Variants in LAMA2 observed in about 807,000 individuals in gnomAD.
LAMA2 encodes the protein laminin subunit alpha-2.
A neutral mutation model predicts 364.8 loss-of-function variants in LAMA2; 269 were observed. The ratio of observed to expected loss-of-function variants is 0.74; its 90% CI spans 0.67 to 0.82. LAMA2 has a LOEUF of 0.82. Ranked by LOEUF, LAMA2 falls within the 40% of genes least tolerant of loss-of-function variation. The pLI is 0.00. For synonymous variants in LAMA2, 1,379 were observed against 1,370.6 expected (o/e 1.01, Z -0.14); for missense variants, 3,807 against 3,873.2 (o/e 0.98, Z 0.45).
chr6:129,516,365 C>T lies in LAMA2; in HGVS notation c.*18C>T. ...CCAACTAATAAAAATAAGTGTAACC[C>T]CAGGAAGAGTCTGTCAAAACAAGTA... On this transcript the variant is annotated 3_prime_UTR_variant, in exon 65 of 65. Transcript: ENST00000421865. 1.2e-6 allele frequency: 2 copies of T among 1,612,138 alleles called. No homozygotes were observed. The highest frequency in any genetic ancestry group is 1.7e-6 in the Non-Finnish European group (2 of 1,178,578).
At chr6:128,911,048 GAC>G (rs1017124495) in intron 1 of LAMA2, among the ~76,000 whole-genome samples, 17 of 151,794 alleles carry the variant, frequency 1.1e-4, no homozygotes, top group Admixed American at 2.6e-4. Context: ...AAAGCTGTCA[GAC>G]AGGGACATTT....
At chr6:129,170,032 A>G (rs6936161) in intron 9 of LAMA2, among the ~76,000 whole-genome samples, 6 of 151,098 alleles carry the variant, frequency 4.0e-5, no homozygotes, top group African/African-American at 1.2e-4. Context: ...TTTTTATTGC[A>G]TCTATTAGAT....
At chr6:129,359,137 C>G (rs1296172891) in intron 32 of LAMA2, among the ~76,000 whole-genome samples, 1 of 151,404 alleles carries the variant, frequency 6.6e-6, no homozygotes, top group Non-Finnish European at 1.5e-5. Context: ...AAACTATTAT[C>G]CCATTATTAT....
At chr6:129,052,245 C>T (rs1176473252) in intron 2 of LAMA2, among the ~76,000 whole-genome samples, 2 of 149,376 alleles carry the variant, frequency 1.3e-5, no homozygotes, top group Non-Finnish European at 3.0e-5. Flanking sequence ...ACGCCATTCT[C>T]TTGCCTCAGC....
Position 129,507,477 on chromosome 6 carries a change from C to G in LAMA2, c.8704-12C>G. On this transcript the variant is annotated splice_polypyrimidine_tract_variant and intron_variant, in intron 61 of 64. Transcript: ENST00000421865. ...AAACCTGACATTTGTTTCTTCTGAT[C>G]TGAATGTTTAGGTGACCTATAGCAT... 2 of 1,613,902 alleles carry G rather than the reference C, an allele frequency of 1.2e-6. No individual in the cohort carries two copies. Among genetic ancestry groups the G allele is most frequent in the East Asian group, 2.2e-5 (1 of 44,874 alleles).
At chr6:129,353,052 T>C (rs1776942369) in intron 31 of LAMA2, 112 bp from the exon 32 acceptor site, 1 of 726,768 alleles carries the variant, frequency 1.4e-6, no homozygotes, top group East Asian at 2.7e-5. Context: ...AGTTAACTAA[T>C]GTATGGACTC....
intron 32 of LAMA2, among the ~76,000 whole-genome samples, chr6:129,358,387 T>G (rs1420824612): frequency 1.3e-5 from 2 of 152,054 alleles, no homozygotes; most frequent in African/African-American, 4.8e-5. Flanking sequence ...GCCTTTGTTT[T>G]CAGCAAGTTT....
At chr6:129,458,619 CA>C (rs1415429662) in intron 48 of LAMA2, among the ~76,000 whole-genome samples, 1 of 151,908 alleles carries the variant, frequency 6.6e-6, no homozygotes, top group Admixed American at 6.6e-5. Flanking sequence ...AGAGTGATGA[CA>C]GAGCATTGCA....
chr6:128,942,382 C>A, intron 1 of LAMA2, among the ~76,000 whole-genome samples: 1 of 152,106 alleles, frequency 6.6e-6, no homozygotes, highest in East Asian at 1.9e-4. Flanking sequence ...AAATTTTTCT[C>A]GTCTTCCCAT....
intron 4 of LAMA2, among the ~76,000 whole-genome samples, chr6:129,119,752 G>A (rs1187920106): frequency 1.3e-5 from 2 of 152,072 alleles, no homozygotes; most frequent in East Asian, 3.9e-4. Flanking sequence ...GTTTCACCGT[G>A]TTAGCCAGGA....
chr6:129,261,609 GC>G (rs961974792), intron 15 of LAMA2, among the ~76,000 whole-genome samples: 6 of 152,056 alleles, frequency 3.9e-5, no homozygotes, highest in Admixed American at 1.3e-4. Flanking sequence ...TTAAAATGGT[GC>G]CTTTAAGGAA....
chr6:129,146,658 C>G (rs1262200024), intron 5 of LAMA2, among the ~76,000 whole-genome samples: 2 of 151,868 alleles, frequency 1.3e-5, no homozygotes, highest in Non-Finnish European at 2.9e-5. Flanking sequence ...TGTCCTTAGC[C>G]CCAGATAAAA....
At chr6:129,475,099 C>A (rs757009658) in intron 52 of LAMA2, among the ~76,000 whole-genome samples, 3 of 151,984 alleles carry the variant, frequency 2.0e-5, no homozygotes, top group Non-Finnish European at 2.9e-5. Context: ...TACATTTTCC[C>A]ATTTATTAGA....
intron 1 of LAMA2, among the ~76,000 whole-genome samples, chr6:129,036,495 G>A (rs549868768): frequency 9.2e-5 from 14 of 152,208 alleles, no homozygotes; most frequent in African/African-American, 3.4e-4. Context: ...ATTGGAGTAT[G>A]TATGGTTAGC....
chr6:128,918,535 C>A (rs1300887814), intron 1 of LAMA2, among the ~76,000 whole-genome samples: 3 of 152,088 alleles, frequency 2.0e-5, no homozygotes, highest in Admixed American at 2.0e-4. Flanking sequence ...TACTCCTATC[C>A]TCCCGTAAAC....
chr6:129,271,831 A>C (rs1035967768), intron 17 of LAMA2, among the ~76,000 whole-genome samples: 3 of 152,132 alleles, frequency 2.0e-5, no homozygotes, highest in Non-Finnish European at 4.4e-5. Context: ...TAGTCTTTTA[A>C]TGTGTAGATG....
intron 34 of LAMA2, among the ~76,000 whole-genome samples, chr6:129,378,111 A>G (rs1778478535): frequency 6.6e-6 from 1 of 152,176 alleles, no homozygotes; most frequent in Non-Finnish European, 1.5e-5. Context: ...AGAGAATGTT[A>G]AAATAAGAAA....
At chr6:129,327,544 A>C (rs1052121447) in intron 28 of LAMA2, among the ~76,000 whole-genome samples, 9 of 152,212 alleles carry the variant, frequency 5.9e-5, no homozygotes, top group African/African-American at 2.2e-4. Context: ...ACTGAGCCTG[A>C]AACACAAGAC....
rs765607655 is a variant in LAMA2 at position 129,507,646 on chromosome 6, A to T, written c.8857+4A>T. 4.3e-6 allele frequency: 7 copies of T among 1,614,040 alleles called. No individual in the cohort carries two copies. In the South Asian group the frequency reaches 7.7e-5, roughly 18 times the overall value. On this transcript the variant is annotated splice_donor_region_variant and intron_variant, in intron 62 of 64. Transcript: ENST00000421865. ...GGAACCGGTTTTGCCAAAGCAGGTA[A>T]GGCTCTTTCATTTCCTTCCTGTTGA...
Sources: allele counts gnomAD v4.1 joint callset (sites outside exome capture counted in the v4.1 genomes callset), GRCh38; gene constraint gnomAD v4.1.1; transcripts MANE v1.5; gene names NCBI Gene and HGNC (gene_info 2026-07-23, HGNC 2026-07-21).